The following RAC1 variants were observed in gnomAD, a reference collection of about 807,000 sequenced individuals.
RAC1 encodes Rac family small GTPase 1.
A neutral mutation model predicts 25.2 loss-of-function variants in RAC1; 2 were observed. That is an observed-to-expected ratio of 0.08 (90% CI 0.03 to 0.25). RAC1 has a LOEUF of 0.25. Ranked by LOEUF, RAC1 falls within the 10% of genes least tolerant of loss-of-function variation. The pLI is 1.00. For synonymous variants in RAC1, 88 were observed against 94.0 expected (o/e 0.94, Z 0.37); for missense variants, 50 against 235.7 (o/e 0.21, Z 5.16).
At chr7:6,390,379 A>T (rs1290564962) in intron 2 of RAC1, among the ~76,000 whole-genome samples, 1 of 151,930 alleles carries the variant, frequency 6.6e-6, no homozygotes, top group Non-Finnish European at 1.5e-5. Flanking sequence ...AGGTGGGCGC[A>T]TTATGAGGTC....
chr7:6,390,835 C>G (rs112081945), intron 2 of RAC1, among the ~76,000 whole-genome samples: 1 of 152,048 alleles, frequency 6.6e-6, no homozygotes, highest in Non-Finnish European at 1.5e-5. Flanking sequence ...ACTATTTATC[C>G]AATAATTTTT....
intron 2 of RAC1, chr7:6,391,711 C>T: frequency 5.5e-6 from 3 of 546,150 alleles, no homozygotes; most frequent in South Asian, 6.4e-5. Flanking sequence ...TTGTTTGTTT[C>T]TTTCATTTCT....
At chr7:6,400,971 G>A (rs1222963249) in intron 4 of RAC1, among the ~76,000 whole-genome samples, 1 of 151,874 alleles carries the variant, frequency 6.6e-6, no homozygotes, top group African/African-American at 2.4e-5. Flanking sequence ...CACCGTGCCC[G>A]GCTGAGACAG....
intron 3 of RAC1, among the ~76,000 whole-genome samples, chr7:6,392,589 T>C (rs34484930): frequency 6.6e-6 from 1 of 152,354 alleles, no homozygotes; most frequent in East Asian, 1.9e-4. Context: ...AAGTTTACTT[T>C]TGCTTCTGTA....
chr7:6,393,703 G>C (rs1158817648), intron 3 of RAC1, among the ~76,000 whole-genome samples: 1 of 152,166 alleles, frequency 6.6e-6, no homozygotes, highest in East Asian at 1.9e-4. Flanking sequence ...GAGCAAGGAG[G>C]GAGTGGGACA....
Position 6,374,684 on chromosome 7 carries a change from C to T in RAC1, c.-52C>T, listed in dbSNP as rs1196185957. 2.8e-6 allele frequency: 3 copies of T among 1,068,412 alleles called. No individual in the cohort carries two copies. Among genetic ancestry groups the T allele is most frequent in the Non-Finnish European group, 3.4e-6 (3 of 884,156 alleles). The allele number at this position is 1,068,412 out of a possible 1,614,324, so 66.2% of individuals were successfully genotyped here. ...CGTCCGCCGCGCCCCGAGCCCGCCG[C>T]TTCCTATCTCAGCGCCCTGCCGCCG... On this transcript the variant is annotated 5_prime_UTR_variant, in exon 1 of 6. Transcript: ENST00000348035.
chr7:6,400,198 G>A lies in RAC1; in HGVS notation c.288+10G>A. ...AAATGTCCGTGCAAAGGTAGGTGGG[G>A]ATTTAAAATGTGTATGTAAGTTATA... On this transcript the variant is annotated intron_variant, in intron 4 of 5. Coordinates refer to ENST00000348035, the MANE Select transcript of RAC1 (RefSeq NM_006908.5). 3 of 1,594,384 alleles carry A rather than the reference G, an allele frequency of 1.9e-6. No individual in the cohort carries two copies. The highest frequency in any genetic ancestry group is 2.6e-6 in the Non-Finnish European group (3 of 1,163,666).
At chr7:6,385,337 C>T (rs1268426702) in intron 1 of RAC1, among the ~76,000 whole-genome samples, 1 of 152,014 alleles carries the variant, frequency 6.6e-6, no homozygotes, top group Admixed American at 6.6e-5. Flanking sequence ...TGAATTAATG[C>T]TCACAGTAGT....
intron 3 of RAC1, among the ~76,000 whole-genome samples, chr7:6,393,089 G>T (rs966248401): frequency 6.6e-6 from 1 of 152,196 alleles, no homozygotes; most frequent in African/African-American, 2.4e-5. Flanking sequence ...AGGGATTGGG[G>T]TTGGGGTTGG....
rs368218911 is a variant in RAC1, at chr7:6,391,966, G to C, written c.150G>C (p.Pro50=). ...CCAATGTTATGGTAGATGGAAAACC[G>C]GTGAATCTGGGCTTATGGGATACAG... ...YSANVMVDGK[P]VNLGLWDTAG... is the part of the protein sequence containing the mutation. The change falls in exon 3 of 6, where the codon CCG becomes CCC. Residue 50 remains proline (P), a synonymous_variant. Coordinates refer to ENST00000348035, the MANE Select transcript of RAC1 (RefSeq NM_006908.5). 2 of 1,613,918 alleles carry C rather than the reference G, an allele frequency of 1.2e-6. No individual in the cohort carries two copies. The highest frequency in any genetic ancestry group is 1.7e-6 in the Non-Finnish European group (2 of 1,179,956).
intron 1 of RAC1, among the ~76,000 whole-genome samples, chr7:6,383,851 G>A (rs1472517145): frequency 1.6e-5 from 2 of 125,848 alleles, no homozygotes; most frequent in Non-Finnish European, 3.1e-5. Context: ...TGCCCAGGCT[G>A]GAGTGCAATG....
intron 2 of RAC1, 42 bp downstream of exon 2, chr7:6,387,325 G>T (rs573808383): frequency 3.0e-6 from 4 of 1,332,116 alleles, no homozygotes; most frequent in Non-Finnish European, 4.2e-6. Flanking sequence ...TGTGTTACGG[G>T]TTTCACATTT....
intron 1 of RAC1, among the ~76,000 whole-genome samples, chr7:6,380,204 G>C (rs1782725772): frequency 6.6e-6 from 1 of 152,162 alleles, no homozygotes; most frequent in African/African-American, 2.4e-5. Flanking sequence ...CTTTTCAGCT[G>C]TTTTGTGTGT....
chr7:6,382,481 T>C (rs747287006), intron 1 of RAC1, among the ~76,000 whole-genome samples: 2 of 152,230 alleles, frequency 1.3e-5, no homozygotes, highest in African/African-American at 2.4e-5. Context: ...CTAGCGTTTC[T>C]AGATTTGTTG....
At chr7:6,377,980 T>C (rs1443230238) in intron 1 of RAC1, among the ~76,000 whole-genome samples, 2 of 152,154 alleles carry the variant, frequency 1.3e-5, no homozygotes, top group East Asian at 3.8e-4. Context: ...CATGGCAGTG[T>C]CCTTTCAGGC....
In RAC1 at chr7:6,402,411, G is replaced by C. The variant is rs752996571; in HGVS notation, c.544G>C (p.Val182Leu). 6.3e-7 allele frequency: 1 copy of C among 1,598,430 alleles called. No homozygotes were observed. Among genetic ancestry groups the C allele is most frequent in the Non-Finnish European group, 8.5e-7 (1 of 1,173,260 alleles). ...CCGAGCAGTCCTCTGCCCGCCTCCC[G>C]TGAAGAAGAGGAAGAGAAAATGCCT... is the stretch of plus-strand genomic sequence containing the variant. ...AIRAVLCPPPVKKRKRKCLLL is the reference protein window; with the variant it reads ...AIRAVLCPPPLKKRKRKCLLL The change falls in exon 6 of 6, where the codon GTG becomes CTG. Residue 182 changes from valine (V) to leucine (L), a missense_variant. Physicochemically the swap from Val to Leu is conservative, Grantham distance 32 (BLOSUM62 1). Transcript: ENST00000348035.
At chr7:6,378,343 C>G (rs1275106169) in intron 1 of RAC1, among the ~76,000 whole-genome samples, 1 of 151,014 alleles carries the variant, frequency 6.6e-6, no homozygotes, top group Non-Finnish European at 1.5e-5. Context: ...GTCAGGAGCT[C>G]GAGACCAGCC....
intron 5 of RAC1, 39 bp from the exon 6 acceptor site, chr7:6,402,277 G>A (rs1422286408): frequency 2.6e-6 from 4 of 1,568,102 alleles, no homozygotes; most frequent in Non-Finnish European, 3.5e-6. Context: ...AAGAGAGTGG[G>A]GTCGAGTGTA....
intron 3 of RAC1, among the ~76,000 whole-genome samples, chr7:6,396,333 C>T (rs927719824): frequency 2.0e-4 from 30 of 152,202 alleles, no homozygotes; most frequent in Middle Eastern, 3.4e-3. Context: ...GTATGTGAAG[C>T]GTCAGGACAG....
Sources: allele counts gnomAD v4.1 joint callset (sites outside exome capture counted in the v4.1 genomes callset), GRCh38; gene constraint gnomAD v4.1.1; transcripts MANE v1.5; gene names NCBI Gene and HGNC (gene_info 2026-07-23, HGNC 2026-07-21).